The following PHACTR2 variants were observed in gnomAD, a reference collection of about 807,000 sequenced individuals.
PHACTR2 encodes chromosome 6 open reading frame 56.
In PHACTR2, 30 loss-of-function variants were observed where a neutral mutation model predicts 76.0. That is an observed-to-expected ratio of 0.39 (90% CI 0.30 to 0.54). The LOEUF (loss-of-function observed/expected upper bound fraction) is 0.54, where lower values mean the gene tolerates loss of function less well. Among genes scored for constraint, PHACTR2 ranks in the 20% least tolerant of loss-of-function variants. The pLI is 0.61. For missense variants in PHACTR2, 696 were observed against 781.1 expected (o/e 0.89, Z 1.30); for synonymous variants, 292 against 292.5 (o/e 1.00, Z 0.02).
At chr6:143,645,329 T>C (rs570118691) in intron 1 of PHACTR2, among the ~76,000 whole-genome samples, 1 of 152,100 alleles carries the variant, frequency 6.6e-6, no homozygotes, top group African/African-American at 2.4e-5. Flanking sequence ...GATGATGGAA[T>C]ACTACTCAGC....
chr6:143,772,567 C>G lies in PHACTR2; in HGVS notation c.1432+110C>G. Reference sequence around the variant, plus strand: ...GAACCAGACATCTGATGTTTTCTTTCCCCTCATCCTCCTTTCTCAAATTAG... The same window carrying G: ...GAACCAGACATCTGATGTTTTCTTTGCCCTCATCCTCCTTTCTCAAATTAG... On this transcript the variant is annotated intron_variant, in intron 7 of 12. Transcript: ENST00000440869. The surrounding 1 kb of genome is among the most constrained non-coding windows in gnomAD (Gnocchi z 5.4). 1 of 756,928 alleles carries G rather than the reference C, an allele frequency of 1.3e-6. No homozygotes were observed. The highest frequency in any genetic ancestry group is 1.7e-5 in the South Asian group (1 of 58,098). The allele number at this position is 756,928 out of a possible 1,614,324, so 46.9% of individuals were successfully genotyped here.
intron 2 of PHACTR2, among the ~76,000 whole-genome samples, chr6:143,741,048 G>A (rs1778930140): frequency 6.6e-6 from 1 of 152,184 alleles, no homozygotes; most frequent in African/African-American, 2.4e-5. Context: ...AGGAGTTCGA[G>A]ACCAGCCTGG....
At chr6:143,655,240 A>G (rs1031679947) in intron 1 of PHACTR2, among the ~76,000 whole-genome samples, 2 of 152,120 alleles carry the variant, frequency 1.3e-5, no homozygotes, top group Non-Finnish European at 2.9e-5. Context: ...GTATGATTCT[A>G]TTTATATGAA....
At chr6:143,786,910 C>T (rs1172615184) in intron 10 of PHACTR2, among the ~76,000 whole-genome samples, 1 of 152,118 alleles carries the variant, frequency 6.6e-6, no homozygotes, top group Non-Finnish European at 1.5e-5. Context: ...CAAACCATAT[C>T]ATTTTTTTTT....
rs888285351 is a variant in PHACTR2, at chr6:143,801,603, C to A, written c.1846-5454C>A. On this transcript the variant is annotated intron_variant, in intron 11 of 12. Coordinates refer to ENST00000440869, the MANE Select transcript of PHACTR2 (RefSeq NM_001100164.2). This position sits in a 1 kb window ranked among gnomAD's most constrained non-coding sequence, Gnocchi z 4.6. ...TATTCTAGTTAGCCATTCATCTAAC[C>A]TTTTTTCAACGTTTTTAGCTTCCTT... Among the ~76,000 whole-genome samples the A allele has an allele frequency of 2.0e-5, 3 of 152,086 alleles. No individual in the cohort carries two copies. Among genetic ancestry groups the A allele is most frequent in the East Asian group, 1.9e-4 (1 of 5,200 alleles).
rs776999324 is a variant in PHACTR2 at position 143,753,926 on chromosome 6, A to C, written c.454+14A>C. On this transcript the variant is annotated intron_variant, in intron 4 of 12. Transcript: ENST00000440869. The surrounding 1 kb of genome is among the most constrained non-coding windows in gnomAD (Gnocchi z 4.6). ...AAGATAAGAAAGGTAAAATAAAGAC[A>C]AACCCATATTATTTACTTTAGTATA... 2 of 1,584,414 alleles carry C rather than the reference A, an allele frequency of 1.3e-6. No individual in the cohort carries two copies. The highest frequency in any genetic ancestry group is 1.7e-6 in the Non-Finnish European group (2 of 1,167,496).
rs1038398891 is a variant in PHACTR2 at position 143,731,905 on chromosome 6, G to T, written c.215-17080G>T. Among the ~76,000 whole-genome samples the T allele has an allele frequency of 2.0e-5, 3 of 152,090 alleles. No individual in the cohort carries two copies. The highest frequency in any genetic ancestry group is 4.4e-5 in the Non-Finnish European group (3 of 68,006). On this transcript the variant is annotated intron_variant, in intron 2 of 12. Transcript: ENST00000440869. The surrounding 1 kb of genome is among the most constrained non-coding windows in gnomAD (Gnocchi z 4.9). ...TATTCAATTTCTTTTATAGTTATAG[G>T]ACCATTCAGGTGATCTCTTTTAACT...
intron 1 of PHACTR2, among the ~76,000 whole-genome samples, chr6:143,650,865 CA>C (rs529295167): frequency 6.6e-6 from 1 of 151,438 alleles, no homozygotes; most frequent in Non-Finnish European, 1.5e-5. Context: ...TTCTGAACAA[CA>C]AAAAAAACTG....
rs1776117235 is a variant in PHACTR2 at position 143,619,628 on chromosome 6, T to C, written c.13+11306T>C. Among the ~76,000 whole-genome samples the C allele has an allele frequency of 6.6e-6, 1 of 152,208 alleles. No homozygotes were observed. Among genetic ancestry groups the C allele is most frequent in the East Asian group, 1.9e-4 (1 of 5,196 alleles). ...CCACTTACTGTGGAAAGGGACTCGGTAGCTTTTGTATCATTAACTGAGACT... is the reference window on the plus strand; with the variant it reads ...CCACTTACTGTGGAAAGGGACTCGGCAGCTTTTGTATCATTAACTGAGACT... On this transcript the variant is annotated intron_variant, in intron 1 of 11. Transcript: ENST00000305766. This position sits in a 1 kb window ranked among gnomAD's most constrained non-coding sequence, Gnocchi z 4.5.
At chr6:143,657,244 T>TA (rs35861745) in intron 1 of PHACTR2, among the ~76,000 whole-genome samples, 30,181 of 148,864 alleles carry the variant, frequency 0.2, 3,066 homozygotes, top group East Asian at 0.35. Flanking sequence ...AGAATTTAAG[T>TA]AAAAAAAAAA....
chr6:143,798,213 G>A (rs748660203), intron 11 of PHACTR2, among the ~76,000 whole-genome samples: 1 of 152,238 alleles, frequency 6.6e-6, no homozygotes, highest in Middle Eastern at 3.4e-3. Context: ...TGTTATTGAT[G>A]TATAGGAATG....
At position 143,777,742 on chromosome 6, in the gene PHACTR2, C is replaced by CA. The variant is rs1257201563; in HGVS notation, c.1645+360dup. Among the ~76,000 whole-genome samples the CA allele has an allele frequency of 1.3e-5, 2 of 152,084 alleles. No homozygotes were observed. Among genetic ancestry groups the CA allele is most frequent in the Non-Finnish European group, 2.9e-5 (2 of 68,012 alleles). ...TGTCAAAGAAAAGGCCAAAAGAATC[C>CA]ACAAGGAAACAAATCAAACATTCCT... On this transcript the variant is annotated intron_variant, in intron 9 of 12. Coordinates refer to ENST00000440869, the MANE Select transcript of PHACTR2 (RefSeq NM_001100164.2). This position sits in a 1 kb window ranked among gnomAD's most constrained non-coding sequence, Gnocchi z 4.6.
Position 143,610,436 on chromosome 6 carries a change from G to A in PHACTR2, c.13+2114G>A, listed in dbSNP as rs915068078. ...GATTTCAGAGCTAGTAGTTTAGAGC[G>A]GGGCACTCGTACTGACAACTGGATC... On this transcript the variant is annotated intron_variant, in intron 1 of 11. Coordinates refer to the PHACTR2 transcript ENST00000305766. The surrounding 1 kb of genome is among the most constrained non-coding windows in gnomAD (Gnocchi z 4.9). Among the ~76,000 whole-genome samples the A allele has an allele frequency of 3.9e-5, 6 of 152,272 alleles. No individual in the cohort carries two copies. Among genetic ancestry groups the A allele is most frequent in the East Asian group, 1.9e-4 (1 of 5,186 alleles).
At position 143,697,171 on chromosome 6, in the gene PHACTR2, C is replaced by T. The variant is rs1777793554; in HGVS notation, c.47-14845C>T. Among the ~76,000 whole-genome samples the T allele has an allele frequency of 1.3e-5, 2 of 152,100 alleles. No individual in the cohort carries two copies. The highest frequency in any genetic ancestry group is 2.4e-5 in the African/African-American group (1 of 41,398). ...TGGTTTTATAGTTTTCTATATTGTT[C>T]CACTGTTTTCTAAGAGATTCACATT... On this transcript the variant is annotated intron_variant, in intron 1 of 12. Transcript: ENST00000440869. This position sits in a 1 kb window ranked among gnomAD's most constrained non-coding sequence, Gnocchi z 4.4.
intron 1 of PHACTR2, among the ~76,000 whole-genome samples, chr6:143,666,027 C>T (rs1337742768): frequency 2.6e-5 from 4 of 151,884 alleles, no homozygotes; most frequent in East Asian, 1.9e-4. Context: ...CCCCTAGGCC[C>T]CCAAACCACC....
intron 1 of PHACTR2, among the ~76,000 whole-genome samples, chr6:143,668,095 G>A (rs1331173239): frequency 1.3e-5 from 2 of 151,266 alleles, no homozygotes; most frequent in Non-Finnish European, 3.0e-5. Flanking sequence ...ATGAAGGGAT[G>A]TTTTGTCAAA....
At position 143,755,730 on chromosome 6, in the gene PHACTR2, G is replaced by A. The variant is rs1234944793; in HGVS notation, c.454+1818G>A. On this transcript the variant is annotated intron_variant, in intron 4 of 12. Coordinates refer to ENST00000440869, the MANE Select transcript of PHACTR2 (RefSeq NM_001100164.2). This position sits in a 1 kb window ranked among gnomAD's most constrained non-coding sequence, Gnocchi z 5.2. ...TGCGGCTGTCTCCTGTGTGGAAAGT[G>A]CACACACCAAAGCCACAAGGAGAAG... Among the ~76,000 whole-genome samples, 1 of 152,118 alleles carries A rather than the reference G, an allele frequency of 6.6e-6. No homozygotes were observed. Among genetic ancestry groups the A allele is most frequent in the African/African-American group, 2.4e-5 (1 of 41,420 alleles).
At chr6:143,668,811 C>T (rs933893451) in intron 1 of PHACTR2, among the ~76,000 whole-genome samples, 4 of 151,982 alleles carry the variant, frequency 2.6e-5, no homozygotes, top group African/African-American at 7.2e-5. Context: ...TTAATCTTTT[C>T]AAAAAACCAG....
chr6:143,606,029 G>A (rs1775865182), upstream of PHACTR2, among the ~76,000 whole-genome samples: 1 of 152,134 alleles, frequency 6.6e-6, no homozygotes, highest in Non-Finnish European at 1.5e-5. Context: ...AACCCTTGGA[G>A]TCAGTTGTGT....
Sources: allele counts gnomAD v4.1 joint callset (sites outside exome capture counted in the v4.1 genomes callset), GRCh38; gene constraint gnomAD v4.1.1; non-coding constraint Gnocchi (gnomAD v3.1); transcripts MANE v1.5; gene names NCBI Gene and HGNC (gene_info 2026-07-23, HGNC 2026-07-21).